The following RAB38 variants were observed in gnomAD, a reference collection of about 807,000 sequenced individuals.
RAB38 encodes RAB38, member RAS oncogene family.
In RAB38, 15 loss-of-function variants were observed where a neutral mutation model predicts 18.4. The ratio of observed to expected loss-of-function variants is 0.82; its 90% confidence interval spans 0.55 to 1.26. The LOEUF is 1.26. RAB38 is among the 50% of genes most tolerant of loss of function. RAB38 has a pLI of 0.00. For synonymous variants in RAB38, 101 were observed against 104.4 expected (o/e 0.97, Z 0.20); for missense variants, 294 against 267.4 (o/e 1.10, Z -0.69).
At chr11:88,038,554 T>C in the RAB38 span, among the ~76,000 whole-genome samples, 7 of 152,168 alleles carry the variant, frequency 4.6e-5, no homozygotes, top group African/African-American at 1.7e-4. Context: ...ACTTAGTAGG[T>C]ACTAAAAATA....
the RAB38 span, among the ~76,000 whole-genome samples, chr11:88,004,928 A>G: frequency 5.9e-5 from 9 of 151,398 alleles, no homozygotes; most frequent in Non-Finnish European, 1.2e-4. Flanking sequence ...AGATTGAACA[A>G]AAATGTTCAA....
At chr11:88,077,387 A>G in the RAB38 span, among the ~76,000 whole-genome samples, 1 of 152,156 alleles carries the variant, frequency 6.6e-6, no homozygotes, top group African/African-American at 2.4e-5. Flanking sequence ...GAATCACACT[A>G]CCTGATTTCA....
chr11:88,099,954 A>T, the RAB38 span: 1 of 151,848 alleles, frequency 6.6e-6, no homozygotes, highest in Admixed American at 6.6e-5. Flanking sequence ...GAATTCCATG[A>T]TTAAGAACTT....
At chr11:87,830,350 G>A in the RAB38 span, among the ~76,000 whole-genome samples, 152 of 152,010 alleles carry the variant, frequency 1.0e-3, no homozygotes, top group Non-Finnish European at 1.9e-3. Context: ...ACATGGTGCC[G>A]TGTACCTGTG....
the RAB38 span, among the ~76,000 whole-genome samples, chr11:87,973,840 T>TAGAGTGAACAAGTCTTGG: frequency 6.6e-6 from 1 of 151,932 alleles, no homozygotes; most frequent in East Asian, 1.9e-4. Context: ...GGTGAACAAC[T>TAGAGTGAACAAGTCTTGG]TGCTCATTCA....
the RAB38 span, among the ~76,000 whole-genome samples, chr11:87,900,016 C>T: frequency 6.6e-6 from 1 of 151,418 alleles, no homozygotes; most frequent in Admixed American, 6.6e-5. Context: ...TATTTACTGA[C>T]TTATCTCTGA....
the RAB38 span, among the ~76,000 whole-genome samples, chr11:87,968,736 T>C: frequency 3.3e-5 from 5 of 152,154 alleles, no homozygotes; most frequent in South Asian, 1.0e-3. Context: ...TAACACAAGT[T>C]TCTTATTTTA....
At chr11:88,104,584 G>A in the RAB38 span, among the ~76,000 whole-genome samples, 1 of 152,066 alleles carries the variant, frequency 6.6e-6, no homozygotes, top group African/African-American at 2.4e-5. Context: ...CTCAAATCAG[G>A]TTAATGATTA....
the RAB38 span, among the ~76,000 whole-genome samples, chr11:88,040,123 T>G: frequency 6.6e-6 from 1 of 152,176 alleles, no homozygotes; most frequent in Non-Finnish European, 1.5e-5. Flanking sequence ...TCTACAACCT[T>G]TGCTGTGTTA....
At chr11:88,111,477 T>C (rs1479642822), downstream of RAB38, among the ~76,000 whole-genome samples, 1 of 152,222 alleles carries the variant, frequency 6.6e-6, no homozygotes, top group East Asian at 1.9e-4. Context: ...TTACTATGTC[T>C]TCTGGTAGAA....
At chr11:88,107,628 CTCTGA>C in the RAB38 span, among the ~76,000 whole-genome samples, 2 of 151,440 alleles carry the variant, frequency 1.3e-5, no homozygotes, top group South Asian at 4.2e-4. Context: ...TTCGGTTCTG[CTCTGA>C]TCTTAGTTAT....
chr11:88,146,351 T>C (rs1053314528), intron 2 of RAB38, among the ~76,000 whole-genome samples: 3 of 152,200 alleles, frequency 2.0e-5, no homozygotes, highest in African/African-American at 7.2e-5. Flanking sequence ...AGCCAGAAGT[T>C]TGACTCAGAA....
the RAB38 span, among the ~76,000 whole-genome samples, chr11:87,970,860 C>A: frequency 6.6e-6 from 1 of 152,084 alleles, no homozygotes; most frequent in East Asian, 1.9e-4. Flanking sequence ...GCTTTTGTTA[C>A]TCCTTTTCCT....
chr11:88,009,498 A>G, the RAB38 span, among the ~76,000 whole-genome samples: 1 of 152,208 alleles, frequency 6.6e-6, no homozygotes, highest in Admixed American at 6.5e-5. Flanking sequence ...TATCCTGCAT[A>G]GAAGCTGTGT....
chr11:88,149,047 C>T (rs1433863918), intron 2 of RAB38, among the ~76,000 whole-genome samples: 2 of 151,680 alleles, frequency 1.3e-5, no homozygotes, highest in African/African-American at 4.9e-5. Context: ...AGTATATTAT[C>T]CTCATCACAC....
the RAB38 span, among the ~76,000 whole-genome samples, chr11:88,037,547 AC>A: frequency 7.2e-5 from 11 of 152,256 alleles, no homozygotes; most frequent in East Asian, 1.3e-3. Flanking sequence ...TCTCACCTCC[AC>A]AAAAACTCTT....
chr11:87,811,959 G>A, the RAB38 span, among the ~76,000 whole-genome samples: 1 of 152,074 alleles, frequency 6.6e-6, no homozygotes, highest in Non-Finnish European at 1.5e-5. Flanking sequence ...AATTTCTGTT[G>A]TTTATTTCAC....
intron 2 of RAB38, among the ~76,000 whole-genome samples, chr11:88,127,723 T>C (rs1304945919): frequency 6.6e-6 from 1 of 152,218 alleles, no homozygotes; most frequent in Non-Finnish European, 1.5e-5. Context: ...TAGATCTGAA[T>C]GGTTATGATA....
chr11:87,832,306 G>A, the RAB38 span, among the ~76,000 whole-genome samples: 1 of 152,044 alleles, frequency 6.6e-6, no homozygotes, highest in Non-Finnish European at 1.5e-5. Flanking sequence ...CAATTTAGTG[G>A]CTTAAAACAA....
Sources: gnomAD v4.1 joint callset for allele counts (sites outside exome capture counted in the v4.1 genomes callset) on GRCh38, gnomAD v4.1.1 for gene constraint, MANE v1.5 for transcripts, NCBI Gene and HGNC (gene_info 2026-07-23, HGNC 2026-07-21) for gene names.